ANKRD28: variants seen among roughly 807,000 people sequenced by gnomAD.
ANKRD28 encodes the protein serine/threonine-protein phosphatase 6 regulatory ankyrin repeat subunit A.
Under a neutral mutation model 126.5 loss-of-function variants are expected in ANKRD28, and 44 were observed. That is an observed-to-expected ratio of 0.35 (90% confidence interval 0.27 to 0.45). ANKRD28 has a LOEUF of 0.45. Ranked by LOEUF, ANKRD28 falls within the 20% of genes least tolerant of loss-of-function variation. The pLI is 1.00. For synonymous variants in ANKRD28, 442 were observed against 468.5 expected (o/e 0.94, Z 0.73); for missense variants, 1,110 against 1,316.6 (o/e 0.84, Z 2.43).
intron 4 of ANKRD28, among the ~76,000 whole-genome samples, chr3:15,747,668 GC>G (rs1229638225): frequency 6.6e-6 from 1 of 152,184 alleles, no homozygotes; most frequent in Non-Finnish European, 1.5e-5. Flanking sequence ...TGCATATTCT[GC>G]AGTTGTTTGG....
At chr3:15,775,033 C>T (rs920442409) in intron 2 of ANKRD28, among the ~76,000 whole-genome samples, 2 of 152,194 alleles carry the variant, frequency 1.3e-5, no homozygotes, top group South Asian at 2.1e-4. Flanking sequence ...CCCACCACCA[C>T]GCCTGGCTAA....
chr3:15,710,347 CTG>C (rs1397528552), intron 12 of ANKRD28, among the ~76,000 whole-genome samples: 2 of 152,162 alleles, frequency 1.3e-5, no homozygotes, highest in Admixed American at 1.3e-4. Context: ...ACAATGAAAA[CTG>C]TAACTGTCAA....
In ANKRD28 at chr3:15,735,565, GAC is replaced by G. The variant is rs532082130; in HGVS notation, c.553-70_553-69del. On this transcript the variant is annotated intron_variant, in intron 5 of 27. Coordinates refer to ENST00000683139, the MANE Select transcript of ANKRD28 (RefSeq NM_001349278.2). ...CAATTGTCTATGAATGTACATTTCTGACAGTTACTTATCTCAACTTCTCTGGC... is the reference window on the plus strand; with the variant it reads ...CAATTGTCTATGAATGTACATTTCTGAGTTACTTATCTCAACTTCTCTGGC... 6,729 of 1,230,872 alleles carry G rather than the reference GAC, an allele frequency of 5.5e-3. 46 individuals carry two copies. Among genetic ancestry groups the G allele is most frequent in the South Asian group, 0.022 (1,590 of 72,572 alleles). The allele number at this position is 1,230,872 out of a possible 1,614,324, so 76.2% of individuals were successfully genotyped here.
chr3:15,672,075 C>G (rs1298098030), intron 27 of ANKRD28, among the ~76,000 whole-genome samples: 1 of 151,852 alleles, frequency 6.6e-6, no homozygotes, highest in Non-Finnish European at 1.5e-5. Flanking sequence ...ATTTCAACTA[C>G]TGGGCATCTG....
At chr3:15,765,331 TA>T (rs2058688209) in intron 3 of ANKRD28, among the ~76,000 whole-genome samples, 1 of 152,226 alleles carries the variant, frequency 6.6e-6, no homozygotes, top group Non-Finnish European at 1.5e-5. Flanking sequence ...TATAATTGAC[TA>T]AAAGCATTTT....
chr3:15,688,865 C>T (rs760987549), intron 18 of ANKRD28, among the ~76,000 whole-genome samples: 4 of 152,158 alleles, frequency 2.6e-5, no homozygotes, highest in Non-Finnish European at 5.9e-5. Flanking sequence ...CTCTGTAAAG[C>T]CTGTCTGCAT....
intron 10 of ANKRD28, 24 bp downstream of exon 10, chr3:15,713,503 A>T (rs2072596241): frequency 6.3e-7 from 1 of 1,585,202 alleles, no homozygotes; most frequent in South Asian, 1.1e-5. Flanking sequence ...TGTATCAGTT[A>T]TCAACACCTC....
intron 1 of ANKRD28, among the ~76,000 whole-genome samples, chr3:15,820,327 A>C (rs147694213): frequency 1.1e-3 from 166 of 152,322 alleles, no homozygotes; most frequent in African/African-American, 3.2e-3. Flanking sequence ...TATACCTGAC[A>C]GTCTTTCTTA....
chr3:15,747,427 A>G (rs564883262), intron 4 of ANKRD28, among the ~76,000 whole-genome samples: 6 of 152,164 alleles, frequency 3.9e-5, no homozygotes, highest in East Asian at 3.9e-4. Flanking sequence ...GAATTTTTCA[A>G]TTTCTATCTT....
At chr3:15,719,092 G>C (rs1049795417) in intron 8 of ANKRD28, among the ~76,000 whole-genome samples, 5 of 152,108 alleles carry the variant, frequency 3.3e-5, no homozygotes, top group Non-Finnish European at 5.9e-5. Context: ...CTTTTAAAAA[G>C]ATGGTTTAGC....
intron 1 of ANKRD28, among the ~76,000 whole-genome samples, chr3:15,828,034 G>A (rs1575780580): frequency 6.6e-6 from 1 of 152,080 alleles, no homozygotes; most frequent in Non-Finnish European, 1.5e-5. Flanking sequence ...CTTCATACAC[G>A]AGAATAGCTA....
chr3:15,772,707 G>A (rs1394223894), intron 2 of ANKRD28, among the ~76,000 whole-genome samples: 1 of 152,068 alleles, frequency 6.6e-6, no homozygotes, highest in Admixed American at 6.5e-5. Flanking sequence ...TTATTTTTGA[G>A]GCAGAGTCTC....
At chr3:15,820,153 T>C (rs892720713) in intron 1 of ANKRD28, among the ~76,000 whole-genome samples, 3 of 152,184 alleles carry the variant, frequency 2.0e-5, no homozygotes, top group Non-Finnish European at 2.9e-5. Context: ...GTATTATCAC[T>C]AGGAATAGAG....
intron 6 of ANKRD28, among the ~76,000 whole-genome samples, chr3:15,730,029 C>A (rs1287555528): frequency 6.6e-6 from 1 of 151,686 alleles, no homozygotes; most frequent in Non-Finnish European, 1.5e-5. Context: ...TATTAATTTT[C>A]TTTTTTTTGT....
chr3:15,764,552 A>C (rs991396348), intron 3 of ANKRD28, among the ~76,000 whole-genome samples: 3 of 149,172 alleles, frequency 2.0e-5, no homozygotes, highest in African/African-American at 7.3e-5. Flanking sequence ...AAAAAAAAAA[A>C]CAAACCCTCC....
chr3:15,769,444 C>T lies in ANKRD28; in HGVS notation c.202-3132G>A, dbSNP rs571646267. Among the ~76,000 whole-genome samples the T allele has an allele frequency of 1.2e-4, 19 of 152,022 alleles. No individual in the cohort carries two copies. In the East Asian group the frequency reaches 3.1e-3, roughly 25 times the overall value. On this transcript the variant is annotated intron_variant, in intron 2 of 27. Coordinates refer to ENST00000683139, the MANE Select transcript of ANKRD28 (RefSeq NM_001349278.2). ...TAGACACAGTAATTCCATTTTAAGG[C>T]TTTTTTAAAAAAAGCCTACATATCC... is the stretch of plus-strand genomic sequence containing the variant.
At chr3:15,682,829 T>C (rs538584425) in intron 21 of ANKRD28, among the ~76,000 whole-genome samples, 1 of 152,360 alleles carries the variant, frequency 6.6e-6, no homozygotes, top group South Asian at 2.1e-4. Context: ...GCTGTCTATA[T>C]AGTCGCTTAT....
chr3:15,696,277 C>G, intron 14 of ANKRD28, 32 bp from the exon 15 acceptor site: 1 of 1,381,716 alleles, frequency 7.2e-7, no homozygotes, highest in Non-Finnish European at 1.0e-6. Context: ...TACTGAAAAT[C>G]CTAAATCCTG....
intron 1 of ANKRD28, among the ~76,000 whole-genome samples, chr3:15,813,819 C>T (rs1270190490): frequency 6.6e-6 from 1 of 152,166 alleles, no homozygotes; most frequent in African/African-American, 2.4e-5. Flanking sequence ...TTAAAGTGTG[C>T]AGCACAATCA....
Sources: allele counts gnomAD v4.1 joint callset (sites outside exome capture counted in the v4.1 genomes callset), GRCh38; gene constraint gnomAD v4.1.1; transcripts MANE v1.5; gene names NCBI Gene and HGNC (gene_info 2026-07-23, HGNC 2026-07-21).